Variants in TTC27 observed in about 807,000 individuals in gnomAD.
The protein encoded by TTC27 is tetratricopeptide repeat protein 27.
Under a neutral mutation model 115.9 loss-of-function variants are expected in TTC27, and 79 were observed. That is an observed-to-expected ratio of 0.68 (90% CI 0.57 to 0.82). TTC27 has a LOEUF of 0.82. Ranked by LOEUF, TTC27 falls within the 40% of genes least tolerant of loss-of-function variation. The pLI is 0.00. For missense variants in TTC27, 1,054 were observed against 993.1 expected, an observed-to-expected ratio of 1.06 and a Z score of -0.82; for synonymous variants, 401 against 356.0, an observed-to-expected ratio of 1.13 and a Z score of -1.42.
intron 13 of TTC27, among the ~76,000 whole-genome samples, chr2:32,777,354 T>C (rs913397673): frequency 2.0e-5 from 3 of 152,274 alleles, no homozygotes; most frequent in African/African-American, 7.2e-5. Context: ...CCAAAATCCA[T>C]GATGCTCAAG....
At chr2:32,736,156 G>C (rs1188123746) in intron 11 of TTC27, among the ~76,000 whole-genome samples, 5 of 151,940 alleles carry the variant, frequency 3.3e-5, no homozygotes, top group African/African-American at 1.2e-4. Flanking sequence ...CCTTAACTCA[G>C]TTTGCTCTTT....
chr2:32,787,438 G>A (rs1670387529), intron 16 of TTC27, among the ~76,000 whole-genome samples: 1 of 152,118 alleles, frequency 6.6e-6, no homozygotes, highest in East Asian at 1.9e-4. Flanking sequence ...ATAAAACACT[G>A]TGTTACTTAG....
chr2:32,685,007 G>T (rs1231719574), intron 9 of TTC27, among the ~76,000 whole-genome samples: 6 of 139,316 alleles, frequency 4.3e-5, no homozygotes, highest in African/African-American at 7.8e-5. Context: ...GCTCTGCTTT[G>T]CCTTTTCCTT....
intron 2 of TTC27, 27 bp downstream of exon 2, chr2:32,630,727 G>C (rs1232032074): frequency 6.3e-7 from 1 of 1,588,764 alleles, no homozygotes; most frequent in Non-Finnish European, 8.6e-7. Flanking sequence ...AATTTTCATA[G>C]AGGAACAGAG....
chr2:32,664,999 A>AT (rs1455298787), intron 6 of TTC27, among the ~76,000 whole-genome samples: 12 of 150,836 alleles, frequency 8.0e-5, no homozygotes, highest in Non-Finnish European at 1.6e-4. Flanking sequence ...CGCCTGGCTA[A>AT]TTTTTTTTAT....
At position 32,787,059 on chromosome 2, in the gene TTC27, C is replaced by A. The variant is rs142069308; in HGVS notation, c.1908C>A (p.Ile636=). 1.2e-6 allele frequency: 2 copies of A among 1,614,006 alleles called. No homozygotes were observed. The highest frequency in any genetic ancestry group is 2.7e-5 in the African/African-American group (2 of 74,926). ...ACTGGCAGATTTGGGAAAACTACATCCTCACCAGCACTGACGTTGGGGAAT... is the reference window on the plus strand; with the variant it reads ...ACTGGCAGATTTGGGAAAACTACATACTCACCAGCACTGACGTTGGGGAAT... ...YEHWQIWENY[I]LTSTDVGEFS... is the part of the protein sequence containing the mutation. The change falls in exon 16 of 20, where the codon ATC becomes ATA. Residue 636 remains isoleucine, a synonymous_variant. Transcript: ENST00000317907.
intron 5 of TTC27, among the ~76,000 whole-genome samples, chr2:32,656,985 C>CT (rs11386617): frequency 0.13 from 16,586 of 131,428 alleles, 1,301 homozygotes; most frequent in East Asian, 0.19. Context: ...TAGCACAATT[C>CT]TTTTTTTTTT....
rs375924454 is a variant in TTC27 at position 32,784,667 on chromosome 2, C to A, written c.1832+1989C>A. ...TGAAGTGAAGCACCTTACAAAGAAG[C>A]TGTATTTACCAAAAAGGAAAAAAGG... On this transcript the variant is annotated intron_variant, in intron 15 of 19. Transcript: ENST00000317907. 5.9e-4 allele frequency among the ~76,000 whole-genome samples: 90 copies of A among 152,244 alleles called. No individual in the cohort carries two copies. In the South Asian group the frequency reaches 7.5e-3, roughly 13 times the overall value.
At chr2:32,650,450 C>T (rs1374124963) in intron 5 of TTC27, among the ~76,000 whole-genome samples, 1 of 136,802 alleles carries the variant, frequency 7.3e-6, no homozygotes, top group South Asian at 2.5e-4. Context: ...AAAAAGATAA[C>T]TACTTTCACT....
chr2:32,736,876 A>T (rs1668469525), intron 12 of TTC27, 60 bp downstream of exon 12: 3 of 1,558,842 alleles, frequency 1.9e-6, no homozygotes, highest in Middle Eastern at 1.7e-4. Flanking sequence ...GCATCTTCTC[A>T]CTTGTTTTGT....
intron 16 of TTC27, among the ~76,000 whole-genome samples, chr2:32,787,790 CA>C: frequency 6.6e-6 from 1 of 151,662 alleles, no homozygotes; most frequent in South Asian, 2.1e-4. Flanking sequence ...GCCTGGGTGA[CA>C]GAGCAAAACT....
chr2:32,699,832 T>C (rs1667121154), intron 9 of TTC27, among the ~76,000 whole-genome samples: 1 of 152,242 alleles, frequency 6.6e-6, no homozygotes, highest in Non-Finnish European at 1.5e-5. Context: ...ATTTTCAGTA[T>C]TTAGTGAGAA....
At chr2:32,797,821 G>C (rs933801056) in intron 16 of TTC27, among the ~76,000 whole-genome samples, 3 of 152,086 alleles carry the variant, frequency 2.0e-5, no homozygotes, top group African/African-American at 4.8e-5. Flanking sequence ...GGAGTAAAAA[G>C]CCAACTCACA....
At chr2:32,690,831 GCT>G (rs1180368983) in intron 9 of TTC27, among the ~76,000 whole-genome samples, 2 of 152,144 alleles carry the variant, frequency 1.3e-5, no homozygotes, top group African/African-American at 4.8e-5. Context: ...AAAAATGAAT[GCT>G]CTTTTAAGTA....
At chr2:32,650,776 T>C (rs915165772) in intron 5 of TTC27, among the ~76,000 whole-genome samples, 1 of 152,232 alleles carries the variant, frequency 6.6e-6, no homozygotes, top group Admixed American at 6.5e-5. Flanking sequence ...TTTCATTTTA[T>C]TAGTATTTTT....
intron 17 of TTC27, 79 bp from the exon 18 acceptor site, chr2:32,812,425 C>A: frequency 2.0e-6 from 2 of 1,024,020 alleles, no homozygotes; most frequent in Non-Finnish European, 3.1e-6. Context: ...GGAATTAGTT[C>A]CATATGACTT....
chr2:32,672,341 C>T lies in TTC27; in HGVS notation c.1009C>T (p.Pro337Ser), dbSNP rs766748248. The T allele has an allele frequency of 6.2e-7, 1 of 1,613,910 alleles. No individual in the cohort carries two copies. The highest frequency in any genetic ancestry group is 2.2e-5 in the East Asian group (1 of 44,848). The stretch of plus-strand genomic sequence containing the variant: ...AGCAGATTGTGAACAGTTCCAGATG[C>T]CGGATCTGTGTGCTGAAGAGATCGC... ...KLADCEQFQM[P>S]DLCAEEIAII... The change falls in exon 8 of 20, where the codon CCG becomes TCG. Residue 337 changes from proline to serine, a missense_variant. By Grantham distance (74) the Pro-to-Ser change is moderately conservative (BLOSUM62 -1). Coordinates refer to ENST00000317907, the MANE Select transcript of TTC27 (RefSeq NM_017735.5).
chr2:32,653,776 G>T (rs562796866), intron 5 of TTC27, among the ~76,000 whole-genome samples: 1 of 152,266 alleles, frequency 6.6e-6, no homozygotes, highest in African/African-American at 2.4e-5. Context: ...ATAATCTCGT[G>T]AGAAGAGATT....
chr2:32,797,378 A>G (rs1306841523), intron 16 of TTC27, among the ~76,000 whole-genome samples: 2 of 151,536 alleles, frequency 1.3e-5, no homozygotes, highest in African/African-American at 4.9e-5. Context: ...GCGTTTTGCT[A>G]TGTTGCCAAG....
Sources: allele counts gnomAD v4.1 joint callset (sites outside exome capture counted in the v4.1 genomes callset), GRCh38; gene constraint gnomAD v4.1.1; transcripts MANE v1.5; gene names NCBI Gene and HGNC (gene_info 2026-07-23, HGNC 2026-07-21).